The following CDH12 variants were observed in gnomAD, a reference collection of about 807,000 sequenced individuals.
CDH12 encodes the protein cadherin 12.
In CDH12, 41 loss-of-function variants were observed where a neutral mutation model predicts 74.1. The observed-to-expected ratio is 0.55, with a 90% CI of 0.43 to 0.72. The LOEUF (loss-of-function observed/expected upper bound fraction) is 0.72, where lower values mean the gene tolerates loss of function less well. CDH12 is among the 30% of genes least tolerant of loss of function. The probability of loss-of-function intolerance (pLI) is 0.00; values close to 1 mark genes in which losing one functional copy is unlikely to be tolerated. For synonymous variants in CDH12, 399 were observed against 355.0 expected (o/e 1.12, Z -1.39); for missense variants, 945 against 977.2 (o/e 0.97, Z 0.44).
chr5:22,176,655 T>C lies in CDH12; in HGVS notation c.-187+35843A>G, dbSNP rs190494125. On this transcript the variant is annotated intron_variant, in intron 4 of 14. Transcript: ENST00000382254. ...ATACTGTATTCCAAGCTACTGTCACTTTCTGCCTAACTGCCACCCTATCTT... is the reference window on the plus strand; with the variant it reads ...ATACTGTATTCCAAGCTACTGTCACCTTCTGCCTAACTGCCACCCTATCTT... Among the ~76,000 whole-genome samples, 14 of 152,272 alleles carry C rather than the reference T, an allele frequency of 9.2e-5. No homozygotes were observed. In the East Asian group the frequency reaches 2.7e-3, roughly 30 times the overall value.
intron 5 of CDH12, among the ~76,000 whole-genome samples, chr5:22,031,959 C>T (rs766794601): frequency 2.0e-5 from 3 of 151,888 alleles, no homozygotes; most frequent in South Asian, 2.1e-4. Flanking sequence ...GCAAAAATGG[C>T]GCTGATAGAC....
Position 22,776,644 on chromosome 5 carries a change from C to A in CDH12, c.-523+76414G>T, listed in dbSNP as rs373573173. ...TCTTCTAGAAAAAAATAGGAATGAT[C>A]TGGGGGTTGTGAGAAATTTTAGAAC... On this transcript the variant is annotated intron_variant, in intron 1 of 14. Coordinates refer to ENST00000382254, the MANE Select transcript of CDH12 (RefSeq NM_004061.5). Among the ~76,000 whole-genome samples the A allele has an allele frequency of 1.4e-4, 22 of 152,196 alleles. No individual in the cohort carries two copies. The East Asian group carries it at 3.3e-3, about 23-fold the overall frequency.
chr5:22,463,079 T>C (rs528608144), intron 2 of CDH12, among the ~76,000 whole-genome samples: 5 of 152,134 alleles, frequency 3.3e-5, no homozygotes, highest in African/African-American at 9.7e-5. Flanking sequence ...ATTAGGAACA[T>C]ATAATCAAGA....
intron 3 of CDH12, among the ~76,000 whole-genome samples, chr5:22,227,899 C>A (rs1026650653): frequency 3.3e-5 from 5 of 152,072 alleles, no homozygotes; most frequent in Admixed American, 2.0e-4. Flanking sequence ...TGAATGCTTT[C>A]GGATTGTCTT....
chr5:22,795,812 G>C (rs1748172229), intron 1 of CDH12, among the ~76,000 whole-genome samples: 1 of 151,616 alleles, frequency 6.6e-6, no homozygotes, highest in Non-Finnish European at 1.5e-5. Flanking sequence ...TACCAAAATT[G>C]GTATCAAAAT....
At chr5:22,699,909 G>C (rs147484281) in intron 1 of CDH12, among the ~76,000 whole-genome samples, 5 of 152,162 alleles carry the variant, frequency 3.3e-5, no homozygotes, top group East Asian at 3.9e-4. Flanking sequence ...GAACGATGGC[G>C]CACACCTGTA....
intron 1 of CDH12, among the ~76,000 whole-genome samples, chr5:22,524,864 G>C (rs1737200559): frequency 6.6e-6 from 1 of 151,316 alleles, no homozygotes; most frequent in Non-Finnish European, 1.5e-5. Flanking sequence ...ACAACATGCA[G>C]GTTTGTTACA....
intron 4 of CDH12, among the ~76,000 whole-genome samples, chr5:22,164,248 T>G (rs917970033): frequency 6.6e-6 from 1 of 152,150 alleles, no homozygotes; most frequent in African/African-American, 2.4e-5. Context: ...AATGGAATCT[T>G]GGGCCATGCA....
intron 4 of CDH12, among the ~76,000 whole-genome samples, chr5:22,107,985 C>T (rs932924913): frequency 3.3e-5 from 5 of 152,076 alleles, no homozygotes; most frequent in Non-Finnish European, 7.4e-5. Context: ...CTATAATGTT[C>T]AGTAATAGCA....
intron 11 of CDH12, among the ~76,000 whole-genome samples, chr5:21,776,865 C>T (rs1227333097): frequency 6.6e-6 from 1 of 152,182 alleles, no homozygotes; most frequent in Non-Finnish European, 1.5e-5. Flanking sequence ...AGGTGAAAAA[C>T]ACATAGTTTG....
chr5:22,032,399 C>G (rs1044464731), intron 5 of CDH12, among the ~76,000 whole-genome samples: 1 of 151,806 alleles, frequency 6.6e-6, no homozygotes, highest in Non-Finnish European at 1.5e-5. Context: ...GAGCTTGCAT[C>G]TTAATGGAAT....
chr5:21,760,860 G>A (rs913742440), intron 12 of CDH12, among the ~76,000 whole-genome samples, 185 bp from the exon 13 acceptor site: 11 of 152,172 alleles, frequency 7.2e-5, no homozygotes, highest in Admixed American at 3.3e-4. Context: ...AGGGAATAAC[G>A]ACAGGTACAA....
intron 5 of CDH12, among the ~76,000 whole-genome samples, chr5:21,975,620 T>C (rs1163396270): frequency 6.6e-6 from 1 of 152,206 alleles, no homozygotes; most frequent in Non-Finnish European, 1.5e-5. Context: ...TATATACCTA[T>C]ACATCCAAAC....
intron 1 of CDH12, among the ~76,000 whole-genome samples, chr5:22,794,187 A>G (rs1165165337): frequency 6.6e-6 from 1 of 152,166 alleles, no homozygotes; most frequent in African/African-American, 2.4e-5. Flanking sequence ...CATGTTTTCC[A>G]TTTGCCACTC....
intron 3 of CDH12, among the ~76,000 whole-genome samples, chr5:22,229,191 A>C (rs111841157): frequency 1.4e-3 from 207 of 150,014 alleles, no homozygotes; most frequent in African/African-American, 5.0e-3. Context: ...TCTCCTTTTT[A>C]GTAATGGTAC....
intron 3 of CDH12, among the ~76,000 whole-genome samples, chr5:22,304,243 A>G (rs540139174): frequency 6.6e-6 from 1 of 152,194 alleles, no homozygotes; most frequent in South Asian, 2.1e-4. Flanking sequence ...ATAAACCAAG[A>G]CGCATGGTCA....
rs754922148 is a variant in CDH12, at chr5:22,095,746, G to A, written c.-186-16884C>T. Among the ~76,000 whole-genome samples, 9 of 136,738 alleles carry A rather than the reference G, an allele frequency of 6.6e-5. No individual in the cohort carries two copies. In the South Asian group the frequency reaches 1.5e-3, roughly 22 times the overall value. 89.7% of individuals were successfully genotyped at this position (136,738 alleles called of 152,430 possible). A position where few individuals can be genotyped will look rare whatever the true frequency, so the allele number is the denominator to read the frequency against. ...CCCCAATCCCTTATTTCCACACCCCGACCCCTTATCTCTGCACCCCGATCC... is the reference window on the plus strand; with the variant it reads ...CCCCAATCCCTTATTTCCACACCCCAACCCCTTATCTCTGCACCCCGATCC... On this transcript the variant is annotated intron_variant, in intron 4 of 14. Transcript: ENST00000382254.
chr5:22,631,638 T>C (rs1738590413), intron 1 of CDH12, among the ~76,000 whole-genome samples: 1 of 152,074 alleles, frequency 6.6e-6, no homozygotes, highest in Non-Finnish European at 1.5e-5. Flanking sequence ...TACAAGGAAC[T>C]CCTGAGACTG....
At chr5:22,125,746 G>C (rs1167094560) in intron 4 of CDH12, among the ~76,000 whole-genome samples, 1 of 152,142 alleles carries the variant, frequency 6.6e-6, no homozygotes, top group Non-Finnish European at 1.5e-5. Flanking sequence ...TCCTCAAGTA[G>C]CCTGCACGCC....
Sources: allele counts gnomAD v4.1 joint callset (sites outside exome capture counted in the v4.1 genomes callset), GRCh38; gene constraint gnomAD v4.1.1; transcripts MANE v1.5; gene names NCBI Gene and HGNC (gene_info 2026-07-23, HGNC 2026-07-21).